Variants in EMSY observed in about 807,000 individuals in gnomAD.
EMSY encodes the protein EMSY transcriptional repressor, BRCA2 interacting.
A neutral mutation model predicts 134.6 loss-of-function variants in EMSY; 26 were observed. That is an observed-to-expected ratio of 0.19 (90% confidence interval 0.14 to 0.27). The LOEUF (loss-of-function observed/expected upper bound fraction) is 0.27, where lower values mean the gene tolerates loss of function less well. Among genes scored for constraint, EMSY ranks in the 10% least tolerant of loss-of-function variants. The pLI is 1.00. For synonymous variants in EMSY, 579 were observed against 577.8 expected (o/e 1.00, Z -0.03); for missense variants, 1,305 against 1,611.4 (o/e 0.81, Z 3.26).
At chr11:76,471,230 T>G (rs565904314) in intron 7 of EMSY, among the ~76,000 whole-genome samples, 1 of 152,290 alleles carries the variant, frequency 6.6e-6, no homozygotes, top group African/African-American at 2.4e-5. Context: ...ATGGACTTTA[T>G]TTTTTAAAAC....
chr11:76,528,937 T>A (rs1950939829), intron 14 of EMSY, among the ~76,000 whole-genome samples: 1 of 152,148 alleles, frequency 6.6e-6, no homozygotes, highest in South Asian at 2.1e-4. Context: ...ATGGGACAAG[T>A]CCTAGTTTAT....
intron 7 of EMSY, among the ~76,000 whole-genome samples, chr11:76,471,086 C>T (rs1419298266): frequency 6.6e-6 from 1 of 152,134 alleles, no homozygotes; most frequent in Non-Finnish European, 1.5e-5. Context: ...TTTACTTCTT[C>T]CACCACAAAT....
intron 6 of EMSY, among the ~76,000 whole-genome samples, 172 bp from the exon 8 acceptor site, chr11:76,463,645 AAAAG>A (rs1207685757): frequency 2.9e-4 from 44 of 151,772 alleles, no homozygotes; most frequent in Admixed American, 3.9e-4. Flanking sequence ...AAAAAAAAAA[AAAAG>A]AAAGGAGGGA....
chr11:76,497,806 T>A (rs1949712437), intron 9 of EMSY, among the ~76,000 whole-genome samples: 1 of 152,118 alleles, frequency 6.6e-6, no homozygotes, highest in Non-Finnish European at 1.5e-5. Flanking sequence ...CATTGATTTT[T>A]CCTTTGCTTT....
intron 8 of EMSY, among the ~76,000 whole-genome samples, chr11:76,480,094 G>A (rs1278118608): frequency 2.0e-5 from 3 of 152,188 alleles, no homozygotes; most frequent in Non-Finnish European, 2.9e-5. Context: ...CAAAGTCACC[G>A]CTGGTAACTA....
chr11:76,487,436 G>A (rs941719796), intron 8 of EMSY, among the ~76,000 whole-genome samples: 1 of 152,170 alleles, frequency 6.6e-6, no homozygotes, highest in African/African-American at 2.4e-5. Flanking sequence ...AAGTATTCTG[G>A]TGATACTACT....
rs1012428077 is a variant in EMSY, at chr11:76,507,545, T to C, written c.1364-5841T>C. ...AGGGCACTATTATTTCATTAGAAGATTCCATCTCAAGAAACCACATTCGTT... is the reference window on the plus strand; with the variant it reads ...AGGGCACTATTATTTCATTAGAAGACTCCATCTCAAGAAACCACATTCGTT... On this transcript the variant is annotated intron_variant, in intron 9 of 20. Transcript: ENST00000334736. Among the ~76,000 whole-genome samples, 27 of 152,342 alleles carry C rather than the reference T, an allele frequency of 1.8e-4. No homozygotes were observed. The East Asian group carries it at 4.4e-3, about 25-fold the overall frequency.
intron 14 of EMSY, among the ~76,000 whole-genome samples, chr11:76,533,356 A>T (rs1403552539): frequency 6.6e-6 from 1 of 152,116 alleles, no homozygotes; most frequent in East Asian, 1.9e-4. Context: ...GTCTTTGTGG[A>T]TACAGGAACA....
chr11:76,466,522 T>C (rs1406450709), intron 7 of EMSY, among the ~76,000 whole-genome samples: 2 of 152,226 alleles, frequency 1.3e-5, no homozygotes, highest in Non-Finnish European at 2.9e-5. Context: ...TAGAGGGATT[T>C]TGGGGAAGGA....
intron 12 of EMSY, among the ~76,000 whole-genome samples, chr11:76,524,023 CT>C (rs1950753623): frequency 2.0e-5 from 3 of 152,040 alleles, no homozygotes; most frequent in Admixed American, 2.0e-4. Flanking sequence ...GCACTCCAGA[CT>C]GGGCAACAGA....
Position 76,505,057 on chromosome 11 carries a change from A to G in EMSY, c.1364-8329A>G, listed in dbSNP as rs75449856. Among the ~76,000 whole-genome samples, 818 of 152,318 alleles carry G rather than the reference A, an allele frequency of 5.4e-3. 18 individuals are homozygous for G. In the East Asian group the frequency reaches 0.059, roughly 11 times the overall value. On this transcript the variant is annotated intron_variant, in intron 9 of 20. Coordinates refer to ENST00000334736, the Ensembl canonical transcript of EMSY. Reference sequence around the variant, plus strand: ...GATCATATTATGGGGTTTCCTTTTGAAGTGAAGTGTTCTAAAATCAATTGT... The same window carrying G: ...GATCATATTATGGGGTTTCCTTTTGGAGTGAAGTGTTCTAAAATCAATTGT...
At chr11:76,538,044 T>G (rs1951290612) in intron 16 of EMSY, 94 bp downstream of exon 17, 1 of 1,137,194 alleles carries the variant, frequency 8.8e-7, no homozygotes, top group African/African-American at 1.6e-5. Flanking sequence ...ATTCTTTATA[T>G]TTTTAGCTTT....
At chr11:76,495,059 GTC>G (rs758072763) in intron 8 of EMSY, among the ~76,000 whole-genome samples, 23 of 152,112 alleles carry the variant, frequency 1.5e-4, no homozygotes, top group Non-Finnish European at 3.1e-4. Context: ...GTGTCCCTCA[GTC>G]TGTGATTGAT....
intron 2 of EMSY, among the ~76,000 whole-genome samples, chr11:76,448,673 A>G (rs1242321612): frequency 1.3e-5 from 2 of 151,888 alleles, no homozygotes; most frequent in East Asian, 1.9e-4. Flanking sequence ...GACCCCTCAT[A>G]TTGGGAGGTG....
intron 12 of EMSY, among the ~76,000 whole-genome samples, chr11:76,525,868 A>G (rs565516323): frequency 6.6e-6 from 1 of 152,190 alleles, no homozygotes; most frequent in African/African-American, 2.4e-5. Context: ...TTTCCTATAT[A>G]TAACCTTAGA....
intron 20 of EMSY, 76 bp from the exon 22 acceptor site, chr11:76,549,876 T>C: frequency 7.5e-7 from 1 of 1,325,190 alleles, no homozygotes; most frequent in Non-Finnish European, 1.0e-6. Context: ...TTTTTTTTTT[T>C]TTTCTTGATA....
chr11:76,526,653 A>G lies in EMSY; in HGVS notation c.1995+18A>G. The stretch of plus-strand genomic sequence containing the variant: ...AAACGCAGGTATGCTATAAGATATG[A>G]TGATTTTTCTTGGCTCTTAAATATT... On this transcript the variant is annotated intron_variant, in intron 13 of 20. Coordinates refer to ENST00000334736, the Ensembl canonical transcript of EMSY. The G allele has an allele frequency of 6.4e-7, 1 of 1,572,340 alleles. No individual in the cohort carries two copies. Among genetic ancestry groups the G allele is most frequent in the South Asian group, 1.2e-5 (1 of 85,606 alleles).
chr11:76,550,024 C>G, exon 21 of EMSY: 1 of 1,613,896 alleles, frequency 6.2e-7, no homozygotes. Context: ...GCTTCTTGAG[C>G]TAAACAACTT....
intron 4 of EMSY, 167 bp downstream of exon 4, chr11:76,453,555 T>C: frequency 1.8e-6 from 1 of 547,414 alleles, no homozygotes; most frequent in Non-Finnish European, 2.9e-6. Flanking sequence ...GTTTATTCAG[T>C]TGGGTTTTTT....
Sources: gnomAD v4.1 joint callset for allele counts (sites outside exome capture counted in the v4.1 genomes callset) on GRCh38, gnomAD v4.1.1 for gene constraint, MANE v1.5 for transcripts, NCBI Gene and HGNC (gene_info 2026-07-23, HGNC 2026-07-21) for gene names.